Variants in PEX2 observed in about 807,000 individuals in gnomAD.
PEX2 encodes the protein peroxisomal biogenesis factor 2.
In PEX2, 19 loss-of-function variants were observed where a neutral mutation model predicts 25.2. The observed-to-expected ratio is 0.75, with a 90% CI of 0.53 to 1.10. PEX2 has a LOEUF of 1.10. Ranked by LOEUF, PEX2 falls within the 50% of genes least tolerant of loss-of-function variation. PEX2 has a pLI of 0.00. For missense variants in PEX2, 347 were observed against 350.6 expected (o/e 0.99, Z 0.08); for synonymous variants, 141 against 127.7 (o/e 1.10, Z -0.70).
intron 1 of PEX2, among the ~76,000 whole-genome samples, chr8:76,992,235 C>G (rs758846832): frequency 1.3e-5 from 2 of 152,124 alleles, no homozygotes; most frequent in African/African-American, 2.4e-5. Context: ...ATGACCTGCT[C>G]CTGTCATTAT....
At chr8:76,997,494 G>C (rs139744129) in intron 1 of PEX2, among the ~76,000 whole-genome samples, 1 of 152,056 alleles carries the variant, frequency 6.6e-6, no homozygotes, top group East Asian at 1.9e-4. Context: ...GCTTGAACTC[G>C]GGAGGCAGAG....
chr8:76,994,679 A>C (rs938093818), intron 1 of PEX2, among the ~76,000 whole-genome samples: 14 of 152,066 alleles, frequency 9.2e-5, no homozygotes, highest in Non-Finnish European at 1.9e-4. Context: ...TGTCATACCC[A>C]CTCATGCACC....
Position 76,983,582 on chromosome 8 carries a change from A to T in PEX2, c.597T>A (p.Gly199=). The change falls in exon 4 of 4, where the codon GGT becomes GGA. Residue 199 remains glycine, a synonymous_variant. Transcript: ENST00000357039. ...AGAGAAAAATCAGAAATTCAGCAAAACCATGCCAGAGAAGTTCCCTATTCA... is the reference window on the plus strand; with the variant it reads ...AGAGAAAAATCAGAAATTCAGCAAATCCATGCCAGAGAAGTTCCCTATTCA... ...EYMNRELLWH[G]FAEFLIFLLP... is the part of the protein sequence containing the mutation. 1 of 1,614,104 alleles carries T rather than the reference A, an allele frequency of 6.2e-7. No homozygotes were observed. The highest frequency in any genetic ancestry group is 8.5e-7 in the Non-Finnish European group (1 of 1,180,020).
At chr8:76,995,084 C>T (rs1331768886) in intron 1 of PEX2, among the ~76,000 whole-genome samples, 1 of 152,204 alleles carries the variant, frequency 6.6e-6, no homozygotes, top group Non-Finnish European at 1.5e-5. Flanking sequence ...ACACTGTGAC[C>T]TCTGGCACTG....
intron 1 of PEX2, among the ~76,000 whole-genome samples, chr8:76,995,129 G>A (rs1008049085): frequency 2.6e-5 from 4 of 152,158 alleles, no homozygotes; most frequent in African/African-American, 7.2e-5. Context: ...TTCAAATCCC[G>A]CTTCTGTCAC....
At chr8:76,998,987 GTTT>G (rs201584207) in intron 1 of PEX2, among the ~76,000 whole-genome samples, 1 of 145,114 alleles carries the variant, frequency 6.9e-6, no homozygotes, top group African/African-American at 2.5e-5. Flanking sequence ...AATATGAAGG[GTTT>G]TTTTTTTTGA....
rs957410211 is a variant in PEX2 at position 76,981,688 on chromosome 8, G to A, written c.*1573C>T. ...AATTTTGTAAATAAGAAATGTACGT[G>A]CAACAAATCTACAAATATAGTAAAA... On this transcript the variant is annotated 3_prime_UTR_variant, in exon 4 of 4. Transcript: ENST00000357039. The A allele has an allele frequency of 5.3e-5, 8 of 152,062 alleles. No individual in the cohort carries two copies. Among genetic ancestry groups the A allele is most frequent in the African/African-American group, 1.9e-4 (8 of 41,416 alleles). 9.4% of individuals were successfully genotyped at this position (152,062 alleles called of 1,614,324 possible). A position where few individuals can be genotyped will look rare whatever the true frequency, so the allele number is the denominator to read the frequency against.
intron 1 of PEX2, among the ~76,000 whole-genome samples, chr8:76,992,115 A>G (rs1807189105): frequency 6.6e-6 from 1 of 152,172 alleles, no homozygotes; most frequent in Non-Finnish European, 1.5e-5. Context: ...GGGGCCAGGC[A>G]GGAGTGGGCA....
Position 76,984,101 on chromosome 8 carries a change from G to A in PEX2, c.78C>T (p.Asn26=). 6.2e-7 allele frequency: 1 copy of A among 1,613,624 alleles called. No homozygotes were observed. The highest frequency in any genetic ancestry group is 2.2e-5 in the East Asian group (1 of 44,880). ...ACCAAACTAGCTGCTCCAGGGCCTT[G>A]TTTAGTTCAAGTGCATCCAACTGGC... ...RISQLDALEL[N]KALEQLVWSQ... Residue 26 remains asparagine (N), a synonymous_variant, in exon 4 of 4, where the codon AAC becomes AAT. Transcript: ENST00000357039.
intron 1 of PEX2, among the ~76,000 whole-genome samples, chr8:76,988,643 C>T (rs771327685): frequency 2.6e-5 from 4 of 152,084 alleles, no homozygotes; most frequent in Non-Finnish European, 5.9e-5. Flanking sequence ...TATCTTATAA[C>T]AACAACAAAG....
chr8:76,999,739 C>A (rs1586081280), intron 1 of PEX2: 2 of 422,218 alleles, frequency 4.7e-6, no homozygotes, highest in East Asian at 7.4e-5. Flanking sequence ...TGCAGAGGGG[C>A]TCAACTGCAG....
chr8:76,985,066 T>C (rs960874559), intron 3 of PEX2, among the ~76,000 whole-genome samples: 7 of 151,994 alleles, frequency 4.6e-5, no homozygotes, highest in African/African-American at 1.7e-4. Flanking sequence ...ATTATAAATA[T>C]GTATTATGTG....
chr8:76,994,047 A>T (rs1255933722), intron 1 of PEX2, among the ~76,000 whole-genome samples: 6 of 151,042 alleles, frequency 4.0e-5, no homozygotes, highest in Non-Finnish European at 8.9e-5. Context: ...TATGTTTAAG[A>T]CAAAATGATC....
rs1219573777 is a variant in PEX2 at position 76,999,977 on chromosome 8, G to T, written c.-160+13C>A. 1 of 456,542 alleles carries T rather than the reference G, an allele frequency of 2.2e-6. No individual in the cohort carries two copies. Among genetic ancestry groups the T allele is most frequent in the African/African-American group, 2.0e-5 (1 of 50,124 alleles). 28.3% of individuals were successfully genotyped at this position (456,542 alleles called of 1,614,324 possible). On this transcript the variant is annotated intron_variant, in intron 1 of 3. Coordinates refer to ENST00000357039, the MANE Select transcript of PEX2 (RefSeq NM_000318.3). ...TCGGGTTTGCACTCCGGCTCTCTAGGGCAGACACTGACCTTAGGAGTCTGC... is the reference window on the plus strand; with the variant it reads ...TCGGGTTTGCACTCCGGCTCTCTAGTGCAGACACTGACCTTAGGAGTCTGC...
chr8:76,992,598 T>C lies in PEX2; in HGVS notation c.-159-4260A>G, dbSNP rs184208189. On this transcript the variant is annotated intron_variant, in intron 1 of 3. Coordinates refer to ENST00000357039, the MANE Select transcript of PEX2 (RefSeq NM_000318.3). Reference sequence around the variant, plus strand: ...TACAGCAGTACAACAAGATTTGTTATAATAGGTATGAAGCATAAATGCCAT... The same window carrying C: ...TACAGCAGTACAACAAGATTTGTTACAATAGGTATGAAGCATAAATGCCAT... Among the ~76,000 whole-genome samples the C allele has an allele frequency of 3.8e-4, 58 of 152,320 alleles. 1 individual carries two copies. The East Asian group carries it at 9.4e-3, about 25-fold the overall frequency.
upstream of PEX2, among the ~76,000 whole-genome samples, chr8:77,000,718 G>C (rs1807488621): frequency 1.3e-5 from 2 of 152,206 alleles, no homozygotes; most frequent in South Asian, 4.1e-4. Context: ...GCGCTCCCGA[G>C]AGACCCCGTA....
intron 1 of PEX2, among the ~76,000 whole-genome samples, 179 bp from the exon 2 acceptor site, chr8:76,988,517 C>T (rs988573097): frequency 1.3e-5 from 2 of 152,172 alleles, no homozygotes; most frequent in African/African-American, 4.8e-5. Context: ...ATGCTAACAA[C>T]CATCTGAGCC....
chr8:76,991,705 G>C (rs977916067), intron 1 of PEX2, among the ~76,000 whole-genome samples: 3 of 152,124 alleles, frequency 2.0e-5, no homozygotes, highest in African/African-American at 7.2e-5. Flanking sequence ...AAATCAAACA[G>C]GCCTGGGCTC....
chr8:76,985,936 G>A (rs1399724092), intron 3 of PEX2, among the ~76,000 whole-genome samples: 1 of 152,176 alleles, frequency 6.6e-6, no homozygotes, highest in Non-Finnish European at 1.5e-5. Context: ...AGAAGGTAAA[G>A]TAAACTTGTA....
Sources: gnomAD v4.1 joint callset for allele counts (sites outside exome capture counted in the v4.1 genomes callset) on GRCh38, gnomAD v4.1.1 for gene constraint, MANE v1.5 for transcripts, NCBI Gene and HGNC (gene_info 2026-07-23, HGNC 2026-07-21) for gene names.